Variants in NUP133 observed in about 807,000 individuals in gnomAD.
NUP133 encodes the protein nuclear pore complex protein Nup133.
Under a neutral mutation model 146.2 loss-of-function variants are expected in NUP133, and 66 were observed. The observed-to-expected ratio is 0.45, with a 90% CI of 0.37 to 0.55. NUP133 has a LOEUF of 0.55. Among genes scored for constraint, NUP133 ranks in the 20% least tolerant of loss-of-function variants. The probability of loss-of-function intolerance (pLI) is 0.00; values close to 1 mark genes in which losing one functional copy is unlikely to be tolerated. For synonymous variants in NUP133, 521 were observed against 498.8 expected (o/e 1.04, Z -0.59); for missense variants, 1,277 against 1,374.8 (o/e 0.93, Z 1.12).
chr1:229,496,042 T>G lies in NUP133; in HGVS notation c.825A>C (p.Ser275=), dbSNP rs1199649566. The change falls in exon 7 of 26, where the codon TCA becomes TCC. Residue 275 remains serine (S), a synonymous_variant. Coordinates refer to ENST00000261396, the MANE Select transcript of NUP133 (RefSeq NM_018230.3). ...ILSPSSDLTL[S]SVLWDRERSS... is the part of the protein sequence containing the mutation. The stretch of plus-strand genomic sequence containing the variant: ...ATCTCTCTCTATCCCAGAGAACACT[T>G]GAAAGCTATTCAGAAAAGAAAAGGA... 1 of 1,568,568 alleles carries G rather than the reference T, an allele frequency of 6.4e-7. No individual in the cohort carries two copies. Among genetic ancestry groups the G allele is most frequent in the African/African-American group, 1.4e-5 (1 of 72,316 alleles).
rs753285696 is a variant in NUP133 at position 229,489,957 on chromosome 1, G to C, written c.1192C>G (p.Gln398Glu). 1 of 1,583,782 alleles carries C rather than the reference G, an allele frequency of 6.3e-7. No individual in the cohort carries two copies. Residue 398 changes from glutamine to glutamate, a missense_variant and splice_region_variant, in exon 9 of 26, where the codon CAG (glutamine) becomes GAG (glutamate). Physicochemically the swap from Gln to Glu is conservative, Grantham distance 29. Coordinates refer to ENST00000261396, the MANE Select transcript of NUP133 (RefSeq NM_018230.3). ...AATTTAACCAATATAAATCTTACCTGAAAAGGTGGATTATATTGAGTGACT... is the reference window on the plus strand; with the variant it reads ...AATTTAACCAATATAAATCTTACCTCAAAAGGTGGATTATATTGAGTGACT... Reference protein sequence around the residue: ...VEVTQYNPPFQSEDLILCQLT... With the variant: ...VEVTQYNPPFESEDLILCQLT...
At chr1:229,488,208 A>G (rs981323224) in intron 9 of NUP133, among the ~76,000 whole-genome samples, 5 of 152,162 alleles carry the variant, frequency 3.3e-5, no homozygotes, top group Non-Finnish European at 7.3e-5. Context: ...GACTATAACT[A>G]GAAGCCTATG....
intron 17 of NUP133, 122 bp downstream of exon 17, chr1:229,465,297 AT>A: frequency 1.4e-6 from 1 of 736,332 alleles, no homozygotes; most frequent in Non-Finnish European, 2.3e-6. Flanking sequence ...AGAGCTGCTC[AT>A]TTTGGAGACG....
chr1:229,486,088 G>A (rs888177190), intron 11 of NUP133, among the ~76,000 whole-genome samples: 12 of 152,122 alleles, frequency 7.9e-5, no homozygotes, highest in Admixed American at 5.2e-4. Context: ...CTTGATCCCG[G>A]GAGGTTGAGG....
intron 13 of NUP133, among the ~76,000 whole-genome samples, chr1:229,477,245 C>T (rs1661099426): frequency 6.6e-6 from 1 of 151,982 alleles, no homozygotes; most frequent in Non-Finnish European, 1.5e-5. Flanking sequence ...CAAGACCAAC[C>T]TGGCTAACAC....
intron 22 of NUP133, among the ~76,000 whole-genome samples, 173 bp downstream of exon 22, chr1:229,452,352 T>A (rs968018340): frequency 6.6e-6 from 1 of 152,232 alleles, no homozygotes; most frequent in Non-Finnish European, 1.5e-5. Flanking sequence ...TTAATTTTTC[T>A]CTAATTAGCT....
intron 20 of NUP133, among the ~76,000 whole-genome samples, chr1:229,459,955 T>C (rs1660655837): frequency 6.6e-6 from 1 of 152,208 alleles, no homozygotes; most frequent in Non-Finnish European, 1.5e-5. Context: ...CCCATAATGG[T>C]TGTACTAACT....
chr1:229,460,837 T>C, intron 19 of NUP133, 68 bp from the exon 20 acceptor site: 2 of 1,413,666 alleles, frequency 1.4e-6, no homozygotes, highest in Non-Finnish European at 9.7e-7. Flanking sequence ...TAACAAAACA[T>C]AACTTTGTTC....
At chr1:229,475,995 C>A (rs1661065201) in intron 13 of NUP133, among the ~76,000 whole-genome samples, 3 of 152,010 alleles carry the variant, frequency 2.0e-5, no homozygotes, top group Admixed American at 2.0e-4. Flanking sequence ...GTAGTCCCAG[C>A]TACTCAGGAG....
chr1:229,498,911 T>G (rs886409627), intron 5 of NUP133, among the ~76,000 whole-genome samples: 19 of 152,224 alleles, frequency 1.2e-4, no homozygotes, highest in African/African-American at 4.6e-4. Context: ...CTATTTTATT[T>G]TTTTAGAGAT....
chr1:229,486,903 GAAAAAAAAAA>G (rs572081486), intron 10 of NUP133, among the ~76,000 whole-genome samples: 3,371 of 115,128 alleles, frequency 0.029, 135 homozygotes, highest in African/African-American at 0.11. Context: ...ATGGGGACTG[GAAAAAAAAAA>G]AAAAAAAAAA....
intron 18 of NUP133, 72 bp downstream of exon 18, chr1:229,464,552 T>G (rs777367667): frequency 4.0e-6 from 6 of 1,513,962 alleles, no homozygotes; most frequent in Non-Finnish European, 5.4e-6. Flanking sequence ...ACACTGAATA[T>G]ACTGAATTAA....
chr1:229,458,036 T>C (rs1002805170), intron 21 of NUP133, 125 bp downstream of exon 21: 4 of 925,938 alleles, frequency 4.3e-6, no homozygotes, highest in Non-Finnish European at 6.3e-6. Flanking sequence ...ATTAACTAAA[T>C]GCATTCCTCT....
At chr1:229,502,760 G>T (rs1454974061) in intron 2 of NUP133, among the ~76,000 whole-genome samples, 1 of 149,574 alleles carries the variant, frequency 6.7e-6, no homozygotes, top group Non-Finnish European at 1.5e-5. Context: ...AGGACTGCTT[G>T]AGGCCAGCCT....
At position 229,448,372 on chromosome 1, in the gene NUP133, G is replaced by A. The variant is rs1158606018; in HGVS notation, c.3245+754C>T. Among the ~76,000 whole-genome samples, 3 of 152,136 alleles carry A rather than the reference G, an allele frequency of 2.0e-5. No homozygotes were observed. The East Asian group carries it at 5.8e-4, about 29-fold the overall frequency. On this transcript the variant is annotated intron_variant, in intron 24 of 25. Coordinates refer to ENST00000261396, the MANE Select transcript of NUP133 (RefSeq NM_018230.3). ...GAACCCGGGAGGCAGAGGTTGCAGT[G>A]AGTCAAGATCGCACCACTGCACTCC...
intron 15 of NUP133, among the ~76,000 whole-genome samples, chr1:229,468,937 G>A (rs1660890395): frequency 6.6e-6 from 1 of 152,060 alleles, no homozygotes; most frequent in African/African-American, 2.4e-5. Flanking sequence ...ATGCATAAAA[G>A]CAAAGAATTC....
chr1:229,460,469 G>A (rs1220718533), intron 20 of NUP133, 142 bp downstream of exon 20: 3 of 768,642 alleles, frequency 3.9e-6, no homozygotes, highest in Non-Finnish European at 5.9e-6. Context: ...AAGCCACCAT[G>A]CCCAGCTCCC....
rs1660175685 is a variant in NUP133 at position 229,441,242 on chromosome 1, C to T, written c.*662G>A. 1 of 341,710 alleles carries T rather than the reference C, an allele frequency of 2.9e-6. No homozygotes were observed. Among genetic ancestry groups the T allele is most frequent in the Non-Finnish European group, 5.8e-6 (1 of 172,250 alleles). 21.2% of individuals were successfully genotyped at this position (341,710 alleles called of 1,614,324 possible). On this transcript the variant is annotated 3_prime_UTR_variant, in exon 26 of 26. Coordinates refer to ENST00000261396, the MANE Select transcript of NUP133 (RefSeq NM_018230.3). ...ACACTGAAAGATTAGAACTAAACATCAACAGTAATTTCTAGATAGGTTAGA... is the reference window on the plus strand; with the variant it reads ...ACACTGAAAGATTAGAACTAAACATTAACAGTAATTTCTAGATAGGTTAGA...
At chr1:229,463,268 G>C (rs1383650331) in intron 19 of NUP133, among the ~76,000 whole-genome samples, 1 of 152,144 alleles carries the variant, frequency 6.6e-6, no homozygotes, top group African/African-American at 2.4e-5. Context: ...GCGAGCTCCT[G>C]TGGTCCCATC....
Sources: gnomAD v4.1 joint callset for allele counts (sites outside exome capture counted in the v4.1 genomes callset) on GRCh38, gnomAD v4.1.1 for gene constraint, MANE v1.5 for transcripts, NCBI Gene and HGNC (gene_info 2026-07-23, HGNC 2026-07-21) for gene names.